Variants in MCF2L2 observed in about 807,000 individuals in gnomAD.
MCF2L2 encodes the protein probable guanine nucleotide exchange factor MCF2L2.
MCF2L2 carries 102 observed loss-of-function variants against 150.2 expected under a neutral mutation model. The observed-to-expected ratio is 0.68, with a 90% CI of 0.58 to 0.80. The LOEUF is 0.80. Among genes scored for constraint, MCF2L2 ranks in the 30% least tolerant of loss-of-function variants. The probability of loss-of-function intolerance (pLI) is 0.00; values close to 1 mark genes in which losing one functional copy is unlikely to be tolerated. For synonymous variants in MCF2L2, 465 were observed against 491.3 expected (o/e 0.95, Z 0.71); for missense variants, 1,256 against 1,372.8 (o/e 0.91, Z 1.34).
intron 1 of MCF2L2, among the ~76,000 whole-genome samples, chr3:183,395,327 G>A (rs34917950): frequency 0.014 from 2,197 of 152,244 alleles, 28 homozygotes; most frequent in Non-Finnish European, 0.025. Flanking sequence ...CAAGTGGTGA[G>A]ATTATAGTCA....
At chr3:183,378,782 C>A (rs1713340978) in intron 3 of MCF2L2, 1 of 151,760 alleles carries the variant, frequency 6.6e-6, no homozygotes, top group Non-Finnish European at 1.5e-5. Context: ...CTTTGGGAGG[C>A]CGAGGCAGGC....
intron 5 of MCF2L2, among the ~76,000 whole-genome samples, chr3:183,334,117 C>T (rs140285456): frequency 2.7e-4 from 41 of 152,116 alleles, no homozygotes; most frequent in Middle Eastern, 3.4e-3. Flanking sequence ...GAATCCAAAA[C>T]GATAATAGAC....
chr3:183,238,965 C>T (rs1332000156), intron 15 of MCF2L2, among the ~76,000 whole-genome samples: 1 of 145,030 alleles, frequency 6.9e-6, no homozygotes, highest in Non-Finnish European at 1.5e-5. Context: ...CCACTGCACT[C>T]CAGTCTGGGC....
At chr3:183,317,034 A>C (rs1729632121) in intron 7 of MCF2L2, among the ~76,000 whole-genome samples, 1 of 152,078 alleles carries the variant, frequency 6.6e-6, no homozygotes, top group African/African-American at 2.4e-5. Flanking sequence ...CAACCTCCTT[A>C]AAGACTGAAT....
At chr3:183,261,636 A>C (rs1271472190) in intron 15 of MCF2L2, among the ~76,000 whole-genome samples, 1 of 152,178 alleles carries the variant, frequency 6.6e-6, no homozygotes, top group Non-Finnish European at 1.5e-5. Flanking sequence ...TGATTTTTTA[A>C]ATGAAGAAAA....
At chr3:183,193,654 T>A (rs769607130) in intron 26 of MCF2L2, among the ~76,000 whole-genome samples, 2 of 152,176 alleles carry the variant, frequency 1.3e-5, no homozygotes, top group Non-Finnish European at 2.9e-5. Flanking sequence ...GGGGAAGAGA[T>A]GAGGAGGAAT....
chr3:183,312,661 C>A (rs1729434119), intron 7 of MCF2L2, among the ~76,000 whole-genome samples: 12 of 152,214 alleles, frequency 7.9e-5, no homozygotes, highest in Admixed American at 7.8e-4. Context: ...CTAGGCCCAG[C>A]CACCTGTGTG....
chr3:183,412,052 G>C (rs1261631735), intron 1 of MCF2L2, among the ~76,000 whole-genome samples: 2 of 152,184 alleles, frequency 1.3e-5, no homozygotes, highest in African/African-American at 4.8e-5. Context: ...CAGAATGCTA[G>C]AAGGAGGCTC....
chr3:183,428,103 G>C lies in MCF2L2; in HGVS notation c.-126C>G, dbSNP rs972613131. The C allele has an allele frequency of 1.4e-6, 1 of 727,638 alleles. No individual in the cohort carries two copies. Among genetic ancestry groups the C allele is most frequent in the Admixed American group, 2.2e-5 (1 of 45,198 alleles). 45.1% of individuals were successfully genotyped at this position (727,638 alleles called of 1,614,324 possible). On this transcript the variant is annotated 5_prime_UTR_variant, in exon 1 of 30. Transcript: ENST00000328913. The surrounding 1 kb of genome is among the most constrained non-coding windows in gnomAD (Gnocchi z 5.1). ...CCCTCGCCCTCTTCCTGGCTCTCCA[G>C]GCAAGAAACGAGAGTCCCTCGCAGC... is the stretch of plus-strand genomic sequence containing the variant.
Position 183,223,360 on chromosome 3 carries a change from G to C in MCF2L2, c.2287C>G (p.Gln763Glu), listed in dbSNP as rs1723213760. 21 of 1,613,414 alleles carry C rather than the reference G, an allele frequency of 1.3e-5. No individual in the cohort carries two copies. In the East Asian group the frequency reaches 4.5e-4, roughly 34 times the overall value. Reference sequence around the variant, plus strand: ...ATTGATTTTACCTTCAACAGCATCTGGTATTTTATAAGTCTCTGGCTTGGT... The same window carrying C: ...ATTGATTTTACCTTCAACAGCATCTCGTATTTTATAAGTCTCTGGCTTGGT... ...KGPSQRLIKYQMLLKGLLDFE... is the reference protein window; with the variant it reads ...KGPSQRLIKYEMLLKGLLDFE... Residue 763 changes from glutamine (Q) to glutamate (E), a missense_variant, in exon 20 of 30, where the codon CAG becomes GAG. Gln to Glu is a conservative substitution (Grantham distance 29). Coordinates refer to ENST00000328913, the MANE Select transcript of MCF2L2 (RefSeq NM_015078.4).
chr3:183,337,222 T>C (rs1730518598), intron 5 of MCF2L2, among the ~76,000 whole-genome samples: 1 of 152,114 alleles, frequency 6.6e-6, no homozygotes, highest in South Asian at 2.1e-4. Flanking sequence ...GAATTTGTGT[T>C]TTCATTTCTT....
chr3:183,293,734 C>A (rs916949806), intron 13 of MCF2L2, among the ~76,000 whole-genome samples: 17 of 151,724 alleles, frequency 1.1e-4, no homozygotes, highest in African/African-American at 3.4e-4. Flanking sequence ...TATAATATGA[C>A]AAGAAAAAAA....
chr3:183,271,555 CT>C (rs1291271861), intron 15 of MCF2L2: 2 of 166,866 alleles, frequency 1.2e-5, no homozygotes, highest in Non-Finnish European at 2.9e-5. Flanking sequence ...TTTTTTGCAT[CT>C]TTTTTCAAAG....
chr3:183,246,151 T>G (rs1004090369), intron 15 of MCF2L2, among the ~76,000 whole-genome samples: 1 of 152,258 alleles, frequency 6.6e-6, no homozygotes, highest in Admixed American at 6.5e-5. Context: ...TGCATTTGTA[T>G]GGCATTTTAG....
chr3:183,327,679 T>G (rs956684005), intron 5 of MCF2L2, among the ~76,000 whole-genome samples: 5 of 152,212 alleles, frequency 3.3e-5, no homozygotes, highest in Non-Finnish European at 5.9e-5. Flanking sequence ...TGAATAAATA[T>G]TTTCTTTTAG....
chr3:183,228,412 T>C (rs1435329776), intron 17 of MCF2L2, 46 bp from the exon 18 acceptor site: 1 of 1,341,772 alleles, frequency 7.5e-7, no homozygotes, highest in Non-Finnish European at 1.1e-6. Context: ...GATTTTGACA[T>C]GTAGGTAATT....
chr3:183,311,989 A>G (rs189931567), intron 7 of MCF2L2, among the ~76,000 whole-genome samples: 1 of 152,340 alleles, frequency 6.6e-6, no homozygotes, highest in Admixed American at 6.5e-5. Flanking sequence ...ACATCAAAAA[A>G]AGTATATTTT....
chr3:183,323,609 T>C (rs140630945), intron 5 of MCF2L2, among the ~76,000 whole-genome samples: 2,251 of 150,896 alleles, frequency 0.015, 61 homozygotes, highest in African/African-American at 0.052. Flanking sequence ...CAGAGCAACA[T>C]AGCAAGACCC....
intron 22 of MCF2L2, among the ~76,000 whole-genome samples, chr3:183,211,573 G>A (rs921460170): frequency 6.6e-6 from 1 of 152,192 alleles, no homozygotes; most frequent in African/African-American, 2.4e-5. Flanking sequence ...GAGCTGCTCC[G>A]CCTCCAACAG....
Sources: allele counts gnomAD v4.1 joint callset (sites outside exome capture counted in the v4.1 genomes callset), GRCh38; gene constraint gnomAD v4.1.1; non-coding constraint Gnocchi (gnomAD v3.1); transcripts MANE v1.5; gene names NCBI Gene and HGNC (gene_info 2026-07-23, HGNC 2026-07-21).